The following AGBL4 variants were observed in gnomAD, a reference collection of about 807,000 sequenced individuals.
AGBL4 encodes AGBL carboxypeptidase 4, also known as cytosolic carboxypeptidase 6.
AGBL4 carries 58 observed loss-of-function variants against 66.4 expected under a neutral mutation model. That is an observed-to-expected ratio of 0.87 (90% CI 0.71 to 1.09). AGBL4 has a LOEUF of 1.09. Ranked by LOEUF, AGBL4 falls within the 50% of genes least tolerant of loss-of-function variation. The pLI is 0.00. For missense variants in AGBL4, 579 were observed against 631.0 expected (o/e 0.92, Z 0.88); for synonymous variants, 234 against 222.9 (o/e 1.05, Z -0.44).
At chr1:49,323,994 T>C (rs539623746) in intron 3 of AGBL4, among the ~76,000 whole-genome samples, 4 of 152,348 alleles carry the variant, frequency 2.6e-5, no homozygotes, top group African/African-American at 9.6e-5. Context: ...ATTAATTACA[T>C]CTATATCCCC....
intron 11 of AGBL4, among the ~76,000 whole-genome samples, chr1:48,552,764 T>G (rs1247414682): frequency 2.0e-5 from 3 of 151,890 alleles, no homozygotes; most frequent in Non-Finnish European, 2.9e-5. Flanking sequence ...ATGAGAGAGG[T>G]GGGCAGGATC....
In AGBL4 at chr1:49,745,433, T is replaced by C. The variant is rs1008878260; in HGVS notation, c.158-47996A>G. ...GTTCTTAATCTCTTACTGTGACAAATGTAAGGGTTAAATTTTCTTGTAAGT... is the reference window on the plus strand; with the variant it reads ...GTTCTTAATCTCTTACTGTGACAAACGTAAGGGTTAAATTTTCTTGTAAGT... On this transcript the variant is annotated intron_variant, in intron 2 of 13. Transcript: ENST00000371839. Among the ~76,000 whole-genome samples the C allele has an allele frequency of 7.9e-5, 12 of 152,098 alleles. No homozygotes were observed. The South Asian group carries it at 1.4e-3, about 18-fold the overall frequency.
chr1:49,045,517 G>A lies in AGBL4; in HGVS notation c.594+67C>T, dbSNP rs376204841. 1,067 of 1,408,370 alleles carry A rather than the reference G, an allele frequency of 7.6e-4. 10 individuals carry two copies. The South Asian group carries it at 8.6e-3, about 11-fold the overall frequency. The allele number at this position is 1,408,370 out of a possible 1,614,324, so 87.2% of individuals were successfully genotyped here. On this transcript the variant is annotated intron_variant, in intron 5 of 13. Coordinates refer to ENST00000371839, the MANE Select transcript of AGBL4 (RefSeq NM_032785.4). ...CATTATTTGCATTGCATAAAAACCC[G>A]TGTTAAGTCCCTATCCCAAGTTTGC...
At chr1:49,908,195 A>G (rs1650462183) in intron 1 of AGBL4, among the ~76,000 whole-genome samples, 1 of 151,206 alleles carries the variant, frequency 6.6e-6, no homozygotes, top group African/African-American at 2.4e-5. Flanking sequence ...GGCAAAATAA[A>G]TGAGACCTCA....
chr1:48,688,360 C>A (rs953662179), intron 6 of AGBL4, among the ~76,000 whole-genome samples: 12 of 152,216 alleles, frequency 7.9e-5, no homozygotes, highest in Non-Finnish European at 5.9e-5. Flanking sequence ...CTCCTTCCTG[C>A]TTCCTCATCT....
chr1:49,129,779 T>C (rs1445044555), intron 4 of AGBL4, among the ~76,000 whole-genome samples: 1 of 152,158 alleles, frequency 6.6e-6, no homozygotes, highest in Non-Finnish European at 1.5e-5. Flanking sequence ...AACATACGTG[T>C]GCATGTGTCT....
intron 11 of AGBL4, among the ~76,000 whole-genome samples, chr1:48,541,701 G>A (rs1415170409): frequency 6.6e-6 from 1 of 152,136 alleles, no homozygotes; most frequent in African/African-American, 2.4e-5. Flanking sequence ...CCCAAGAGAC[G>A]GAGGTTGCAG....
At chr1:48,698,640 C>T (rs1272055870) in intron 6 of AGBL4, among the ~76,000 whole-genome samples, 1 of 152,196 alleles carries the variant, frequency 6.6e-6, no homozygotes, top group South Asian at 2.1e-4. Flanking sequence ...AATTGGGAGA[C>T]CAAGGCTCAT....
chr1:48,538,765 G>C (rs1283607333), intron 12 of AGBL4, among the ~76,000 whole-genome samples: 1 of 152,204 alleles, frequency 6.6e-6, no homozygotes, highest in Non-Finnish European at 1.5e-5. Context: ...AGCGTAGGGA[G>C]GAAGGTGCAT....
At chr1:49,050,443 T>G (rs1644186114) in intron 4 of AGBL4, among the ~76,000 whole-genome samples, 1 of 152,118 alleles carries the variant, frequency 6.6e-6, no homozygotes, top group African/African-American at 2.4e-5. Flanking sequence ...CCGGGACCTA[T>G]ACAAAGGCTT....
chr1:49,533,490 A>C (rs1651307861), intron 3 of AGBL4, among the ~76,000 whole-genome samples: 1 of 152,084 alleles, frequency 6.6e-6, no homozygotes, highest in African/African-American at 2.4e-5. Context: ...AAGCCCAGCT[A>C]CAGAGAAGCT....
At chr1:48,900,810 T>A (rs1652012467) in intron 5 of AGBL4, among the ~76,000 whole-genome samples, 2 of 152,256 alleles carry the variant, frequency 1.3e-5, no homozygotes, top group South Asian at 4.1e-4. Context: ...AAGACCTTCA[T>A]AACCTTAGAT....
intron 3 of AGBL4, among the ~76,000 whole-genome samples, chr1:49,480,763 G>T (rs528845163): frequency 2.0e-5 from 3 of 152,012 alleles, no homozygotes; most frequent in Non-Finnish European, 2.9e-5. Context: ...GGTTTTTATA[G>T]TTCTGGGTTT....
chr1:49,786,865 T>C (rs897355946), intron 2 of AGBL4, among the ~76,000 whole-genome samples: 1 of 152,218 alleles, frequency 6.6e-6, no homozygotes, highest in Non-Finnish European at 1.5e-5. Flanking sequence ...CTCAGTGCAC[T>C]TTCTACTTTC....
chr1:49,651,337 G>T (rs1646000659), intron 3 of AGBL4, among the ~76,000 whole-genome samples: 3 of 151,994 alleles, frequency 2.0e-5, no homozygotes, highest in African/African-American at 7.3e-5. Flanking sequence ...CCATCAAAGA[G>T]GGTCCTTTCA....
intron 3 of AGBL4, among the ~76,000 whole-genome samples, chr1:49,287,417 T>C (rs1308527838): frequency 4.1e-5 from 6 of 147,372 alleles, no homozygotes; most frequent in Non-Finnish European, 7.5e-5. Context: ...ACCATCAGAG[T>C]GAACAGGCAA....
At chr1:48,653,739 T>C (rs577211138) in intron 7 of AGBL4, among the ~76,000 whole-genome samples, 2 of 152,258 alleles carry the variant, frequency 1.3e-5, no homozygotes, top group South Asian at 2.1e-4. Context: ...AGAATGATGA[T>C]ATTTGAGCTG....
intron 3 of AGBL4, among the ~76,000 whole-genome samples, chr1:49,262,455 A>G (rs1229405856): frequency 6.6e-6 from 1 of 152,198 alleles, no homozygotes. Context: ...AAACAAATTT[A>G]CAAGAAAAAA....
chr1:49,734,267 G>A (rs1649687166), intron 2 of AGBL4, among the ~76,000 whole-genome samples: 1 of 151,830 alleles, frequency 6.6e-6, no homozygotes, highest in Non-Finnish European at 1.5e-5. Flanking sequence ...TATAACTAGT[G>A]CCATGGAGAG....
Sources: allele counts gnomAD v4.1 joint callset (sites outside exome capture counted in the v4.1 genomes callset), GRCh38; gene constraint gnomAD v4.1.1; transcripts MANE v1.5; gene names NCBI Gene and HGNC (gene_info 2026-07-23, HGNC 2026-07-21).